CNOT4: variants seen among roughly 807,000 people sequenced by gnomAD.
CNOT4 encodes CCR4-associated factor 4.
In CNOT4, 8 loss-of-function variants were observed where a neutral mutation model predicts 73.8. The observed-to-expected ratio is 0.11, with a 90% CI of 0.06 to 0.20. The LOEUF (loss-of-function observed/expected upper bound fraction) is 0.20, where lower values mean the gene tolerates loss of function less well. Among genes scored for constraint, CNOT4 ranks in the 10% least tolerant of loss-of-function variants. The probability of loss-of-function intolerance (pLI) is 1.00; values close to 1 mark genes in which losing one functional copy is unlikely to be tolerated. For synonymous variants in CNOT4, 293 were observed against 321.1 expected, an observed-to-expected ratio of 0.91 and a Z score of 0.94; for missense variants, 564 against 883.4, an observed-to-expected ratio of 0.64 and a Z score of 4.58.
intron 1 of CNOT4, among the ~76,000 whole-genome samples, chr7:135,493,192 G>A (rs1436851317): frequency 6.6e-6 from 1 of 152,062 alleles, no homozygotes; most frequent in African/African-American, 2.4e-5. Context: ...TGGTTGGTTG[G>A]TTTGTTTGCT....
In CNOT4 at chr7:135,414,368, C is replaced by T; in HGVS notation, c.524G>A (p.Cys175Tyr). The change falls in exon 5 of 12, where the codon TGT becomes TAT. Residue 175 changes from cysteine to tyrosine, a missense_variant. Transcript: ENST00000541284. ...RSEDALRAIQ[C>Y]VNNVVVDGRT... Reference sequence around the variant, plus strand: ...GCCATCTACTACCACATTGTTGACACACTGTATGGCTCTGAGAGCGTCTTC... The same window carrying T: ...GCCATCTACTACCACATTGTTGACATACTGTATGGCTCTGAGAGCGTCTTC... The T allele has an allele frequency of 6.5e-7, 1 of 1,529,704 alleles. No homozygotes were observed. Among genetic ancestry groups the T allele is most frequent in the South Asian group, 1.1e-5 (1 of 87,898 alleles). The allele number at this position is 1,529,704 out of a possible 1,614,324, so 94.8% of individuals were successfully genotyped here. A position where few individuals can be genotyped will look rare whatever the true frequency, so the allele number is the denominator to read the frequency against.
chr7:135,388,218 G>C (rs1796220408), intron 10 of CNOT4: 1 of 985,062 alleles, frequency 1.0e-6, no homozygotes, highest in African/African-American at 1.7e-5. Context: ...GCAAAAGAGA[G>C]AGAACAAAAC....
At chr7:135,488,730 ATTATG>A (rs1016766803) in intron 1 of CNOT4, among the ~76,000 whole-genome samples, 1 of 152,188 alleles carries the variant, frequency 6.6e-6, no homozygotes, top group African/African-American at 2.4e-5. Flanking sequence ...AAATTTTAAA[ATTATG>A]TTATCATGGA....
At chr7:135,487,744 C>T (rs1412257433) in intron 1 of CNOT4, among the ~76,000 whole-genome samples, 3 of 152,170 alleles carry the variant, frequency 2.0e-5, no homozygotes, top group African/African-American at 7.2e-5. Flanking sequence ...TTGTGGAATA[C>T]TTTCAAAATA....
chr7:135,439,118 C>CT (rs1212720193), intron 1 of CNOT4, among the ~76,000 whole-genome samples: 1 of 152,106 alleles, frequency 6.6e-6, no homozygotes, highest in Non-Finnish European at 1.5e-5. Flanking sequence ...AATAATATAA[C>CT]TTTTTAGATT....
chr7:135,395,220 C>CA (rs1196639031), intron 9 of CNOT4, among the ~76,000 whole-genome samples: 1 of 151,754 alleles, frequency 6.6e-6, no homozygotes, highest in African/African-American at 2.4e-5. Flanking sequence ...CCTGTCTCTA[C>CA]AAAAAATTTA....
chr7:135,444,285 C>A (rs923166383), intron 1 of CNOT4, among the ~76,000 whole-genome samples: 1 of 152,040 alleles, frequency 6.6e-6, no homozygotes, highest in African/African-American at 2.4e-5. Context: ...ATTCAAAGAA[C>A]TGAAAGGACT....
chr7:135,502,724 G>A (rs894221736), intron 1 of CNOT4, among the ~76,000 whole-genome samples: 4 of 149,362 alleles, frequency 2.7e-5, no homozygotes, highest in African/African-American at 9.9e-5. Flanking sequence ...GCTGAGGCAG[G>A]AGAGTTGCTT....
intron 1 of CNOT4, among the ~76,000 whole-genome samples, chr7:135,452,396 CCT>C (rs1246065672): frequency 2.0e-5 from 3 of 152,084 alleles, no homozygotes; most frequent in Non-Finnish European, 4.4e-5. Flanking sequence ...ATGGCGAAAC[CCT>C]GTTTCTACTA....
intron 10 of CNOT4, among the ~76,000 whole-genome samples, chr7:135,393,628 CTTCTTT>C (rs1391255876): frequency 5.3e-5 from 8 of 152,048 alleles, no homozygotes; most frequent in East Asian, 3.9e-4. Context: ...AGACCATTTT[CTTCTTT>C]TTCATTTTGC....
chr7:135,453,136 C>T (rs754403558), intron 1 of CNOT4, among the ~76,000 whole-genome samples: 4 of 152,000 alleles, frequency 2.6e-5, no homozygotes, highest in Middle Eastern at 3.2e-3. Context: ...CCTTCTAGTC[C>T]GTCTGGACTC....
intron 2 of CNOT4, among the ~76,000 whole-genome samples, chr7:135,431,507 G>C (rs1002739653): frequency 6.6e-6 from 1 of 152,098 alleles, no homozygotes; most frequent in Non-Finnish European, 1.5e-5. Flanking sequence ...ACTTTGGGAG[G>C]CCAAGGCGGG....
intron 10 of CNOT4, among the ~76,000 whole-genome samples, chr7:135,372,833 G>A (rs2129482620): frequency 6.6e-6 from 1 of 152,228 alleles, no homozygotes; most frequent in East Asian, 1.9e-4. Flanking sequence ...GGGATTACAG[G>A]CGTGAGCCAC....
chr7:135,485,668 T>C (rs1351647423), intron 1 of CNOT4, among the ~76,000 whole-genome samples: 2 of 26,756 alleles, frequency 7.5e-5, no homozygotes, highest in African/African-American at 3.3e-4. Flanking sequence ...TTCCAATAAA[T>C]GGTGCGAGAG....
chr7:135,474,740 C>A (rs1801888309), intron 1 of CNOT4, among the ~76,000 whole-genome samples: 1 of 152,228 alleles, frequency 6.6e-6, no homozygotes, highest in Middle Eastern at 3.4e-3. Context: ...AAAGAAAATT[C>A]ACAAGACCAT....
intron 1 of CNOT4, among the ~76,000 whole-genome samples, chr7:135,457,835 T>C (rs1267506293): frequency 6.6e-6 from 1 of 152,126 alleles, no homozygotes; most frequent in Non-Finnish European, 1.5e-5. Context: ...AGAGCATATG[T>C]ATGTGCATGT....
chr7:135,495,690 A>AAAAAG (rs1803483891), intron 1 of CNOT4, among the ~76,000 whole-genome samples: 1 of 38,644 alleles, frequency 2.6e-5, no homozygotes, highest in Non-Finnish European at 5.1e-5. Flanking sequence ...AAAAAAAAAA[A>AAAAAG]AAAGAAAGAA....
intron 1 of CNOT4, among the ~76,000 whole-genome samples, chr7:135,480,174 G>GTAGT (rs1802281507): frequency 6.6e-6 from 1 of 152,094 alleles, no homozygotes; most frequent in Non-Finnish European, 1.5e-5. Flanking sequence ...ATAATTTCTA[G>GTAGT]TAGTCTGGGA....
intron 10 of CNOT4, among the ~76,000 whole-genome samples, chr7:135,366,814 A>T (rs1311827629): frequency 6.6e-6 from 1 of 152,032 alleles, no homozygotes; most frequent in East Asian, 1.9e-4. Flanking sequence ...TGGCACAAAG[A>T]AAAGGTGAGA....
Sources: gnomAD v4.1 joint callset for allele counts (sites outside exome capture counted in the v4.1 genomes callset) on GRCh38, gnomAD v4.1.1 for gene constraint, MANE v1.5 for transcripts, NCBI Gene and HGNC (gene_info 2026-07-23, HGNC 2026-07-21) for gene names.